GRIP1: variants seen among roughly 807,000 people sequenced by gnomAD.
GRIP1 encodes the protein glutamate receptor interacting protein 1.
GRIP1 carries 45 observed loss-of-function variants against 129.9 expected under a neutral mutation model. The ratio of observed to expected loss-of-function variants is 0.35; its 90% confidence interval spans 0.27 to 0.44. GRIP1 has a LOEUF of 0.44. Ranked by LOEUF, GRIP1 falls within the 20% of genes least tolerant of loss-of-function variation. GRIP1 has a pLI of 1.00. For missense variants in GRIP1, 1,196 were observed against 1,396.8 expected, an observed-to-expected ratio of 0.86 and a Z score of 2.29; for synonymous variants, 530 against 520.8, an observed-to-expected ratio of 1.02 and a Z score of -0.24.
chr12:66,537,090 AT>A (rs1464688091), intron 4 of GRIP1, among the ~76,000 whole-genome samples: 1 of 152,148 alleles, frequency 6.6e-6, no homozygotes, highest in East Asian at 1.9e-4. Flanking sequence ...AGAAAAAAAA[AT>A]GCCTATCTTG....
rs114474372 is a variant in GRIP1 at position 66,674,045 on chromosome 12, C to T, written c.55+4805G>A. Among the ~76,000 whole-genome samples the T allele has an allele frequency of 1.7e-3, 261 of 152,146 alleles. 1 individual carries two copies. Among genetic ancestry groups the T allele is most frequent in the African/African-American group, 6.0e-3 (250 of 41,516 alleles). ...GATTTGGAAAGGGGTGGAAAGTTAA[C>T]GAGGTGGAGGATACAGTTAAGTTGT... On this transcript the variant is annotated intron_variant, in intron 1 of 24. Transcript: ENST00000359742.
At chr12:66,654,111 A>G (rs2032987000) in intron 1 of GRIP1, among the ~76,000 whole-genome samples, 1 of 152,214 alleles carries the variant, frequency 6.6e-6, no homozygotes, top group Admixed American at 6.5e-5. Context: ...GCTATCAGGC[A>G]CCAAACATAG....
At chr12:66,364,265 CAAAAAAAA>C (rs1159887365) in intron 23 of GRIP1, among the ~76,000 whole-genome samples, 2 of 16,346 alleles carry the variant, frequency 1.2e-4, no homozygotes, top group Non-Finnish European at 2.1e-4. Context: ...GACTCCATCT[CAAAAAAAA>C]AAAAAAAAAA....
intron 1 of GRIP1, among the ~76,000 whole-genome samples, chr12:66,788,258 TA>T (rs887869952): frequency 1.2e-4 from 18 of 151,850 alleles, no homozygotes; most frequent in African/African-American, 4.1e-4. Context: ...TTTTTTAAGC[TA>T]AAGCCAGTTT....
At chr12:66,769,652 A>C (rs193262239) in intron 1 of GRIP1, among the ~76,000 whole-genome samples, 1 of 152,112 alleles carries the variant, frequency 6.6e-6, no homozygotes, top group South Asian at 2.1e-4. Flanking sequence ...ACACTTCGTT[A>C]TCTCTCTTAT....
chr12:66,991,779 A>G (rs1293934313), intron 1 of GRIP1, among the ~76,000 whole-genome samples: 1 of 152,260 alleles, frequency 6.6e-6, no homozygotes, highest in Non-Finnish European at 1.5e-5. Context: ...AGTATATTTT[A>G]ATCAATAGTA....
intron 1 of GRIP1, among the ~76,000 whole-genome samples, chr12:66,937,884 G>T (rs2041513542): frequency 1.3e-5 from 2 of 152,126 alleles, no homozygotes; most frequent in Non-Finnish European, 2.9e-5. Context: ...GAAATATTGA[G>T]AAATTGCAGA....
intron 1 of GRIP1, among the ~76,000 whole-genome samples, chr12:66,946,352 A>C (rs1436429843): frequency 6.6e-6 from 1 of 152,196 alleles, no homozygotes; most frequent in Non-Finnish European, 1.5e-5. Flanking sequence ...CTGAGATTGC[A>C]GACTATCCTT....
chr12:66,418,709 T>C (rs1341822837), intron 15 of GRIP1, among the ~76,000 whole-genome samples: 1 of 152,278 alleles, frequency 6.6e-6, no homozygotes, highest in South Asian at 2.1e-4. Context: ...ACATCAGTGG[T>C]CATCAGAGAA....
intron 1 of GRIP1, among the ~76,000 whole-genome samples, chr12:66,659,374 C>A (rs2033361095): frequency 6.6e-6 from 1 of 152,188 alleles, no homozygotes; most frequent in Non-Finnish European, 1.5e-5. Context: ...CCCTCACCAC[C>A]CAGAGTTTTA....
intron 1 of GRIP1, among the ~76,000 whole-genome samples, chr12:66,772,801 C>T (rs563675250): frequency 6.6e-6 from 1 of 152,182 alleles, no homozygotes; most frequent in African/African-American, 2.4e-5. Flanking sequence ...CAAAGTATAG[C>T]ACAAATGGGA....
At chr12:66,626,378 C>T (rs1421496686) in intron 1 of GRIP1, among the ~76,000 whole-genome samples, 1 of 149,106 alleles carries the variant, frequency 6.7e-6, no homozygotes, top group Non-Finnish European at 1.5e-5. Context: ...AAACCAAATG[C>T]TAAAAGAGTC....
chr12:66,376,712 C>T (rs533692414), intron 22 of GRIP1, among the ~76,000 whole-genome samples: 1 of 152,320 alleles, frequency 6.6e-6, no homozygotes, highest in Admixed American at 6.5e-5. Context: ...TTCCTCTTAA[C>T]GATCACATTA....
At chr12:66,937,712 T>C (rs2041509895) in intron 1 of GRIP1, among the ~76,000 whole-genome samples, 1 of 152,154 alleles carries the variant, frequency 6.6e-6, no homozygotes, top group South Asian at 2.1e-4. Context: ...GGAGATGTGA[T>C]AAGACATTGA....
Position 66,747,104 on chromosome 12 carries a change from A to T in GRIP1, c.-420+56949T>A, listed in dbSNP as rs536343997. The stretch of plus-strand genomic sequence containing the variant: ...GACAGTTTTGGATTTAGGATTAGAA[A>T]TACCAAAAGAGCCTATTTAGTTGGA... On this transcript the variant is annotated intron_variant, in intron 1 of 4. Coordinates refer to the GRIP1 transcript ENST00000538373. 2.1e-4 allele frequency among the ~76,000 whole-genome samples: 32 copies of T among 152,336 alleles called. 1 individual carries two copies. In the South Asian group the frequency reaches 6.4e-3, roughly 31 times the overall value.
intron 1 of GRIP1, among the ~76,000 whole-genome samples, chr12:66,859,538 G>A (rs986664956): frequency 6.6e-6 from 1 of 151,976 alleles, no homozygotes; most frequent in African/African-American, 2.4e-5. Flanking sequence ...AATTTTCTCA[G>A]ACTGAGCAAC....
At chr12:66,435,334 C>G (rs1382057759) in intron 13 of GRIP1, among the ~76,000 whole-genome samples, 5 of 151,770 alleles carry the variant, frequency 3.3e-5, no homozygotes, top group Non-Finnish European at 1.5e-5. Flanking sequence ...TCCCAAGTAG[C>G]TAGAACTACA....
chr12:66,843,722 CAA>C (rs2039762633), intron 1 of GRIP1, among the ~76,000 whole-genome samples: 1 of 151,998 alleles, frequency 6.6e-6, no homozygotes, highest in Admixed American at 6.6e-5. Flanking sequence ...AACTTTTTAA[CAA>C]ATAACATTGG....
intron 2 of GRIP1, among the ~76,000 whole-genome samples, chr12:66,583,077 GA>G (rs1460354293): frequency 6.6e-6 from 1 of 151,660 alleles, no homozygotes; most frequent in African/African-American, 2.4e-5. Flanking sequence ...CAATGGAACA[GA>G]ACAGAGCCCT....
Sources: gnomAD v4.1 joint callset for allele counts (sites outside exome capture counted in the v4.1 genomes callset) on GRCh38, gnomAD v4.1.1 for gene constraint, MANE v1.5 for transcripts, NCBI Gene and HGNC (gene_info 2026-07-23, HGNC 2026-07-21) for gene names.